ZNF385D: variants seen among roughly 807,000 people sequenced by gnomAD.
ZNF385D encodes the protein zinc finger protein 385D.
ZNF385D carries 15 observed loss-of-function variants against 35.8 expected under a neutral mutation model. The ratio of observed to expected loss-of-function variants is 0.42; its 90% CI spans 0.28 to 0.64. The LOEUF is 0.64. ZNF385D is among the 30% of genes least tolerant of loss of function. ZNF385D has a pLI of 0.23. For synonymous variants in ZNF385D, 212 were observed against 186.8 expected (o/e 1.13, Z -1.10); for missense variants, 474 against 494.6 (o/e 0.96, Z 0.39).
rs189722175 is a variant in ZNF385D at position 22,107,920 on chromosome 3, C to A, written c.325+60897G>T. Among the ~76,000 whole-genome samples the A allele has an allele frequency of 9.2e-5, 14 of 151,820 alleles. 1 individual carries two copies. The East Asian group carries it at 2.5e-3, about 27-fold the overall frequency. ...GGGGTGCCCATAATAGGTGATTAGG[C>A]CGTGAGGACTCCTCCCTCATGAAAG... On this transcript the variant is annotated intron_variant, in intron 3 of 5. Coordinates refer to the ZNF385D transcript ENST00000494108.
intron 3 of ZNF385D, among the ~76,000 whole-genome samples, chr3:21,828,162 G>C (rs903031820): frequency 1.3e-5 from 2 of 152,116 alleles, no homozygotes; most frequent in Non-Finnish European, 2.9e-5. Flanking sequence ...ACTAGGGTTG[G>C]TTATAATTTC....
At chr3:22,308,255 C>T (rs896726719) in intron 2 of ZNF385D, among the ~76,000 whole-genome samples, 3 of 152,044 alleles carry the variant, frequency 2.0e-5, no homozygotes, top group East Asian at 3.8e-4. Flanking sequence ...TAGGTTATTA[C>T]TCATCTGAGC....
At chr3:21,673,107 T>A (rs73037288) in intron 1 of ZNF385D, among the ~76,000 whole-genome samples, 7,677 of 152,164 alleles carry the variant, frequency 0.05, 282 homozygotes, top group East Asian at 0.13. Context: ...AATCACAAAA[T>A]TTCCCTCCAG....
intron 3 of ZNF385D, among the ~76,000 whole-genome samples, chr3:21,971,295 A>G (rs58147698): frequency 0.011 from 1,629 of 152,216 alleles, 37 homozygotes; most frequent in African/African-American, 0.036. Flanking sequence ...ATAAATGGAA[A>G]AAACAAAAAG....
intron 1 of ZNF385D, among the ~76,000 whole-genome samples, chr3:21,672,010 T>G (rs1478599230): frequency 2.0e-5 from 3 of 152,192 alleles, no homozygotes. Flanking sequence ...TTCCCTTGCA[T>G]GTCTGCCTCT....
chr3:21,525,330 T>G (rs1443465896), intron 3 of ZNF385D, among the ~76,000 whole-genome samples: 1 of 152,200 alleles, frequency 6.6e-6, no homozygotes, highest in Non-Finnish European at 1.5e-5. Context: ...GCGTGTATTT[T>G]TTTTTTCCAA....
At chr3:21,935,493 A>G (rs777539372) in intron 3 of ZNF385D, among the ~76,000 whole-genome samples, 56 of 152,324 alleles carry the variant, frequency 3.7e-4, no homozygotes, top group South Asian at 1.0e-3. Flanking sequence ...TAGATAGTTA[A>G]GTCACATGCT....
rs1037614138 is a variant in ZNF385D, at chr3:22,018,846, G to A, written c.325+149971C>T. ...ATCCAGCTATTTCACAGAAATGGGT[G>A]GAGTTTAATTGCTAATTTTTGAGTT... On this transcript the variant is annotated intron_variant, in intron 3 of 5. Coordinates refer to the ZNF385D transcript ENST00000494108. 7.9e-5 allele frequency among the ~76,000 whole-genome samples: 12 copies of A among 151,842 alleles called. 1 individual carries two copies. The highest frequency in any genetic ancestry group is 7.9e-4 in the Admixed American group (12 of 15,190).
intron 3 of ZNF385D, among the ~76,000 whole-genome samples, chr3:22,100,476 A>G (rs541245183): frequency 4.6e-5 from 7 of 152,100 alleles, no homozygotes; most frequent in South Asian, 2.1e-4. Context: ...AATGTGGCAC[A>G]TATACACCAT....
At chr3:22,042,294 AC>A (rs1698714481) in intron 3 of ZNF385D, among the ~76,000 whole-genome samples, 1 of 152,120 alleles carries the variant, frequency 6.6e-6, no homozygotes, top group Admixed American at 6.6e-5. Flanking sequence ...CATTATTAAT[AC>A]CCACAAGGAA....
intron 3 of ZNF385D, among the ~76,000 whole-genome samples, chr3:21,877,171 A>T (rs1257088854): frequency 1.3e-5 from 2 of 152,074 alleles, no homozygotes; most frequent in Admixed American, 1.3e-4. Flanking sequence ...GAGACTCGAT[A>T]AACAAGGTCA....
chr3:22,264,496 T>G (rs1051157996), intron 2 of ZNF385D, among the ~76,000 whole-genome samples: 1 of 152,046 alleles, frequency 6.6e-6, no homozygotes, highest in Non-Finnish European at 1.5e-5. Flanking sequence ...GACAATACAG[T>G]GTGACCAAAG....
At chr3:21,446,586 T>C (rs1302739383) in intron 4 of ZNF385D, among the ~76,000 whole-genome samples, 1 of 145,860 alleles carries the variant, frequency 6.9e-6, no homozygotes, top group East Asian at 2.0e-4. Flanking sequence ...TTCTGCCTCC[T>C]GGATTCAAGT....
chr3:22,326,338 G>C (rs1694676989), intron 2 of ZNF385D, among the ~76,000 whole-genome samples: 1 of 152,146 alleles, frequency 6.6e-6, no homozygotes, highest in African/African-American at 2.4e-5. Context: ...TGAAAGACTG[G>C]GGGCCCAAAA....
intron 2 of ZNF385D, among the ~76,000 whole-genome samples, chr3:22,215,457 G>A (rs536767482): frequency 6.6e-5 from 10 of 152,012 alleles, no homozygotes; most frequent in East Asian, 3.9e-4. Context: ...TTCAGGGGGC[G>A]GCCGTCTTTT....
chr3:21,858,813 T>G (rs1696878276), intron 3 of ZNF385D, among the ~76,000 whole-genome samples: 1 of 152,070 alleles, frequency 6.6e-6, no homozygotes, highest in African/African-American at 2.4e-5. Context: ...TCCATTGAGG[T>G]GGTATTCATG....
intron 2 of ZNF385D, among the ~76,000 whole-genome samples, chr3:22,211,524 C>T (rs17011017): frequency 0.33 from 50,306 of 151,696 alleles, 8,556 homozygotes; most frequent in Middle Eastern, 0.38. Flanking sequence ...AGACTAGGCT[C>T]GGATTTCATT....
intron 3 of ZNF385D, among the ~76,000 whole-genome samples, chr3:22,125,113 T>A (rs1482055825): frequency 6.6e-6 from 1 of 152,168 alleles, no homozygotes; most frequent in East Asian, 1.9e-4. Flanking sequence ...AGATAGCAGC[T>A]AGTCCCATTC....
At chr3:21,885,306 C>A (rs1228918103) in intron 3 of ZNF385D, among the ~76,000 whole-genome samples, 1 of 151,874 alleles carries the variant, frequency 6.6e-6, no homozygotes, top group Non-Finnish European at 1.5e-5. Context: ...ACTAAAATAT[C>A]AACTAACATT....
Sources: allele counts gnomAD v4.1 joint callset (sites outside exome capture counted in the v4.1 genomes callset), GRCh38; gene constraint gnomAD v4.1.1; transcripts MANE v1.5; gene names NCBI Gene and HGNC (gene_info 2026-07-23, HGNC 2026-07-21).